Variants in SLC12A3 observed in about 807,000 individuals in gnomAD.
The protein encoded by SLC12A3 is Na-Cl cotransporter.
Under a neutral mutation model 121.0 loss-of-function variants are expected in SLC12A3, and 104 were observed. That is an observed-to-expected ratio of 0.86 (90% CI 0.73 to 1.01). The LOEUF is 1.01. Ranked by LOEUF, SLC12A3 falls within the 50% of genes least tolerant of loss-of-function variation. The pLI is 0.00. For synonymous variants in SLC12A3, 536 were observed against 533.4 expected, an observed-to-expected ratio of 1.00 and a Z score of -0.07; for missense variants, 1,328 against 1,356.3, an observed-to-expected ratio of 0.98 and a Z score of 0.33.
At position 56,915,250 on chromosome 16, in the gene SLC12A3, G is replaced by A. The variant is rs2144797835; in HGVS notation, c.*1845G>A. On this transcript the variant is annotated 3_prime_UTR_variant, in exon 26 of 26. Transcript: ENST00000563236. Reference sequence around the variant, plus strand: ...GTGGCTGAAGGAACAGACATCTTTGGGTTTCATCAGCCTCCTCCAAGACTG... The same window carrying A: ...GTGGCTGAAGGAACAGACATCTTTGAGTTTCATCAGCCTCCTCCAAGACTG... The A allele has an allele frequency of 6.6e-6, 1 of 152,328 alleles. No homozygotes were observed. Among genetic ancestry groups the A allele is most frequent in the East Asian group, 1.9e-4 (1 of 5,188 alleles). The allele number at this position is 152,328 out of a possible 1,614,324, so 9.4% of individuals were successfully genotyped here. A position where few individuals can be genotyped will look rare whatever the true frequency, so the allele number is the denominator to read the frequency against.
At chr16:56,889,767 G>A (rs540159570) in intron 18 of SLC12A3, among the ~76,000 whole-genome samples, 4 of 152,294 alleles carry the variant, frequency 2.6e-5, no homozygotes, top group East Asian at 1.9e-4. Flanking sequence ...AAACCACTGC[G>A]CCCGGCCTCC....
intron 8 of SLC12A3, among the ~76,000 whole-genome samples, chr16:56,877,062 C>T (rs1166082729): frequency 3.9e-5 from 6 of 152,178 alleles, no homozygotes; most frequent in Admixed American, 3.9e-4. Context: ...GAGTGGAACA[C>T]ATGCTGTGTT....
chr16:56,888,878 A>G lies in SLC12A3; in HGVS notation c.2285+847A>G, dbSNP rs114361195. Among the ~76,000 whole-genome samples the G allele has an allele frequency of 5.8e-3, 887 of 152,186 alleles. 12 individuals are homozygous for G. Among genetic ancestry groups the G allele is most frequent in the African/African-American group, 0.02 (826 of 41,518 alleles). On this transcript the variant is annotated intron_variant, in intron 18 of 25. Transcript: ENST00000563236. ...CGGCCACCAGATCTTTTAATTTTTCAGAGTAACTGCAAATGTGAGTTTTTA... is the reference window on the plus strand; with the variant it reads ...CGGCCACCAGATCTTTTAATTTTTCGGAGTAACTGCAAATGTGAGTTTTTA...
In SLC12A3 at chr16:56,913,504, C is replaced by A; in HGVS notation, c.*99C>A. On this transcript the variant is annotated 3_prime_UTR_variant, in exon 26 of 26. Coordinates refer to ENST00000563236, the MANE Select transcript of SLC12A3 (RefSeq NM_001126108.2). ...CAGGGATGAGACTCATGTTCTGTTGCACTTTAAGTGGCAGCATCTGATGAT... is the reference window on the plus strand; with the variant it reads ...CAGGGATGAGACTCATGTTCTGTTGAACTTTAAGTGGCAGCATCTGATGAT... The A allele has an allele frequency of 1.6e-6, 2 of 1,226,286 alleles. No homozygotes were observed. The highest frequency in any genetic ancestry group is 1.2e-6 in the Non-Finnish European group (1 of 827,220). 76.0% of individuals were successfully genotyped at this position (1,226,286 alleles called of 1,614,324 possible).
intron 8 of SLC12A3, among the ~76,000 whole-genome samples, chr16:56,874,698 G>A (rs377521953): frequency 6.6e-6 from 1 of 152,112 alleles, no homozygotes; most frequent in African/African-American, 2.4e-5. Flanking sequence ...CCAGCTACTC[G>A]GGAGGCTAAG....
At position 56,894,763 on chromosome 16, in the gene SLC12A3, C is replaced by A. The variant is rs2289118; in HGVS notation, c.2633+121C>A. 0.2 allele frequency: 148,738 copies of A among 752,864 alleles called. 15,593 individuals carry two copies. Among genetic ancestry groups the A allele is most frequent in the African/African-American group, 0.31 (17,951 of 57,964 alleles). 46.6% of individuals were successfully genotyped at this position (752,864 alleles called of 1,614,324 possible). On this transcript the variant is annotated intron_variant, in intron 22 of 25. Coordinates refer to ENST00000563236, the MANE Select transcript of SLC12A3 (RefSeq NM_001126108.2). ...CCCCCAGGTGGGCACTGAGATTGTC[C>A]CAAAGCCCAGGGCCAGCTCTCTCCA... is the stretch of plus-strand genomic sequence containing the variant.
At chr16:56,867,328 C>T (rs919727878) in intron 2 of SLC12A3, 112 bp downstream of exon 2, 178 of 1,091,006 alleles carry the variant, frequency 1.6e-4, no homozygotes, top group Non-Finnish European at 2.1e-4. Context: ...GTTTCCCCAT[C>T]TGTACAATGA....
At chr16:56,905,223 C>T (rs1384966658) in intron 25 of SLC12A3, among the ~76,000 whole-genome samples, 3 of 151,284 alleles carry the variant, frequency 2.0e-5, no homozygotes, top group African/African-American at 4.9e-5. Flanking sequence ...CCTGTAATCC[C>T]AGCTACTCGG....
At chr16:56,909,945 C>T (rs539885052) in intron 25 of SLC12A3, among the ~76,000 whole-genome samples, 92 of 152,328 alleles carry the variant, frequency 6.0e-4, no homozygotes, top group African/African-American at 1.9e-3. Context: ...CAAATGGCCC[C>T]GGGTTTGAGC....
At chr16:56,877,089 C>T (rs2055173174) in intron 8 of SLC12A3, among the ~76,000 whole-genome samples, 1 of 152,188 alleles carries the variant, frequency 6.6e-6, no homozygotes, top group South Asian at 2.1e-4. Flanking sequence ...GGCTTGTGAT[C>T]ACTGTTAAGA....
Position 56,892,941 on chromosome 16 carries a change from C to G in SLC12A3, c.2420-12C>G. The G allele has an allele frequency of 1.2e-6, 2 of 1,612,032 alleles. No homozygotes were observed. The highest frequency in any genetic ancestry group is 1.7e-6 in the Non-Finnish European group (2 of 1,178,286). On this transcript the variant is annotated splice_polypyrimidine_tract_variant and intron_variant, in intron 20 of 25. Transcript: ENST00000563236. ...TGCTGGCTCTGCTCTGACCCGCCCC[C>G]ACCTCCTGCAGTGGACCCCAAGGCC...
intron 25 of SLC12A3, among the ~76,000 whole-genome samples, chr16:56,910,133 T>C (rs1351460343): frequency 6.6e-6 from 1 of 152,366 alleles, no homozygotes; most frequent in Admixed American, 6.5e-5. Flanking sequence ...TTTTATGGCT[T>C]GGGCCTCTAT....
intron 25 of SLC12A3, among the ~76,000 whole-genome samples, chr16:56,909,083 G>T (rs1239101503): frequency 6.6e-6 from 1 of 152,188 alleles, no homozygotes; most frequent in African/African-American, 2.4e-5. Context: ...TCTCTTTCAT[G>T]CTAACATGCT....
intron 8 of SLC12A3, among the ~76,000 whole-genome samples, chr16:56,875,133 GCC>G (rs201293886): frequency 0.13 from 19,671 of 152,132 alleles, 1,288 homozygotes; most frequent in Non-Finnish European, 0.14. Context: ...GCTGGATGAG[GCC>G]CGCGCGCCTG....
At chr16:56,880,707 C>T (rs1334204799) in intron 12 of SLC12A3, among the ~76,000 whole-genome samples, 1 of 152,136 alleles carries the variant, frequency 6.6e-6, no homozygotes, top group Non-Finnish European at 1.5e-5. Context: ...GTTCCAAGGG[C>T]CTAGGGCTTC....
intron 19 of SLC12A3, among the ~76,000 whole-genome samples, chr16:56,891,487 C>T (rs1489648895): frequency 6.6e-6 from 1 of 151,874 alleles, no homozygotes; most frequent in African/African-American, 2.4e-5. Context: ...GCGTCTCTTG[C>T]AGCCAGGAGC....
chr16:56,901,345 C>CTTTTTT (rs1408480661), intron 23 of SLC12A3, among the ~76,000 whole-genome samples: 2 of 84,166 alleles, frequency 2.4e-5, no homozygotes, highest in African/African-American at 1.2e-4. Context: ...ATCTCTCTCT[C>CTTTTTT]TCTTTTTTTT....
chr16:56,872,682 C>T lies in SLC12A3; in HGVS notation c.991C>T (p.Pro331Ser). Residue 331 changes from proline (P) to serine (S), a missense_variant, in exon 8 of 26, where the codon CCT becomes TCT. Transcript: ENST00000563236. ...GGACATTTTTGTCCAGAACTTGGTG[C>T]CTGACTGGCGGGGTCCAGATGGCAC... ...RADIFVQNLV[P>S]DWRGPDGTFF... 6.2e-7 allele frequency: 1 copy of T among 1,614,270 alleles called. No individual in the cohort carries two copies. Among genetic ancestry groups the T allele is most frequent in the Non-Finnish European group, 8.5e-7 (1 of 1,180,052 alleles).
chr16:56,900,729 C>T (rs914703799), intron 23 of SLC12A3, among the ~76,000 whole-genome samples: 3 of 152,080 alleles, frequency 2.0e-5, no homozygotes, highest in Non-Finnish European at 4.4e-5. Flanking sequence ...TGGGGTTTCA[C>T]CATGTTGGCC....
Sources: gnomAD v4.1 joint callset for allele counts (sites outside exome capture counted in the v4.1 genomes callset) on GRCh38, gnomAD v4.1.1 for gene constraint, MANE v1.5 for transcripts, NCBI Gene and HGNC (gene_info 2026-07-23, HGNC 2026-07-21) for gene names.